Variants in GMPS observed in about 807,000 individuals in gnomAD.
The protein encoded by GMPS is GMP synthase [glutamine-hydrolyzing].
A neutral mutation model predicts 77.9 loss-of-function variants in GMPS; 15 were observed. That is an observed-to-expected ratio of 0.19 (90% CI 0.13 to 0.30). The LOEUF (loss-of-function observed/expected upper bound fraction) is 0.30. GMPS is among the 10% of genes least tolerant of loss of function. The probability of loss-of-function intolerance (pLI) is 1.00; values close to 1 mark genes in which losing one functional copy is unlikely to be tolerated. For synonymous variants in GMPS, 224 were observed against 275.9 expected (o/e 0.81, Z 1.86); for missense variants, 590 against 838.8 (o/e 0.70, Z 3.66).
At chr3:155,873,635 G>GTTGTTTTTTTT (rs1340921688) in intron 1 of GMPS, among the ~76,000 whole-genome samples, 1 of 32,712 alleles carries the variant, frequency 3.1e-5, no homozygotes, top group African/African-American at 1.0e-4. Context: ...ACATGAGTAA[G>GTTGTTTTTTTT]TTCTTTTTTT....
intron 12 of GMPS, among the ~76,000 whole-genome samples, chr3:155,928,133 T>TCTCCTGTTGCAGC (rs549221064): frequency 2.4e-3 from 353 of 150,040 alleles, no homozygotes; most frequent in African/African-American, 8.3e-3. Flanking sequence ...TTCAAACGAT[T>TCTCCTGTTGCAGC]CTCCTGTTGC....
chr3:155,913,523 A>ATTTTTTTT (rs5853733), intron 7 of GMPS, among the ~76,000 whole-genome samples: 1 of 142,184 alleles, frequency 7.0e-6, no homozygotes, highest in Admixed American at 7.0e-5. Flanking sequence ...ATCAGCATAA[A>ATTTTTTTT]TTTTTTTTTT....
intron 1 of GMPS, among the ~76,000 whole-genome samples, chr3:155,891,484 T>C (rs957784682): frequency 1.3e-5 from 2 of 152,232 alleles, no homozygotes; most frequent in African/African-American, 4.8e-5. Context: ...TTCACTTTTC[T>C]ACGGTATTGA....
rs2063903 is a variant in GMPS, at chr3:155,939,787, C to T, written c.*2095C>T. 0.61 allele frequency: 120,063 copies of T among 197,162 alleles called. 37,227 individuals are homozygous for T. Among genetic ancestry groups the T allele is most frequent in the African/African-American group, 0.64 (27,781 of 43,330 alleles). 12.2% of individuals were successfully genotyped at this position (197,162 alleles called of 1,614,324 possible). A position where few individuals can be genotyped will look rare whatever the true frequency, so the allele number is the denominator to read the frequency against. On this transcript the variant is annotated 3_prime_UTR_variant, in exon 16 of 16. Transcript: ENST00000496455. The stretch of plus-strand genomic sequence containing the variant: ...CTCAGAAATTTCCTAATATTTAGCA[C>T]ACTGTCTTCTTTTGCACAGCACTTT...
chr3:155,873,268 CAA>C (rs1232580880), intron 1 of GMPS, among the ~76,000 whole-genome samples: 1 of 152,000 alleles, frequency 6.6e-6, no homozygotes, highest in Non-Finnish European at 1.5e-5. Context: ...TTTTTATACA[CAA>C]TATTTTATTT....
upstream of GMPS, among the ~76,000 whole-genome samples, chr3:155,870,355 C>CT (rs756783386): frequency 2.1e-5 from 3 of 139,892 alleles, no homozygotes; most frequent in East Asian, 4.4e-4. Context: ...TTCGGTTTTT[C>CT]TCCTGGCCGG....
chr3:155,925,131 A>G (rs1195381137), intron 11 of GMPS, 110 bp from the exon 12 acceptor site: 1 of 933,766 alleles, frequency 1.1e-6, no homozygotes, highest in African/African-American at 1.7e-5. Flanking sequence ...GAGATACCAA[A>G]TACAATCCAC....
intron 1 of GMPS, among the ~76,000 whole-genome samples, chr3:155,877,917 G>T (rs1754093153): frequency 6.6e-6 from 1 of 151,634 alleles, no homozygotes; most frequent in Non-Finnish European, 1.5e-5. Context: ...GAGTAGCTGG[G>T]CATGCGCCAC....
intron 9 of GMPS, among the ~76,000 whole-genome samples, 180 bp downstream of exon 9, chr3:155,916,372 T>G (rs959310502): frequency 2.6e-5 from 4 of 152,090 alleles, no homozygotes; most frequent in Non-Finnish European, 4.4e-5. Context: ...GTTCTACCTG[T>G]TGTTGTCATT....
At chr3:155,876,204 GC>G (rs1365229787) in intron 1 of GMPS, among the ~76,000 whole-genome samples, 1 of 152,120 alleles carries the variant, frequency 6.6e-6, no homozygotes, top group Non-Finnish European at 1.5e-5. Flanking sequence ...TGGCCTCGAG[GC>G]TCCTGTGCAT....
chr3:155,918,504 T>C (rs1755240280), intron 9 of GMPS, among the ~76,000 whole-genome samples: 1 of 152,216 alleles, frequency 6.6e-6, no homozygotes, highest in Admixed American at 6.5e-5. Flanking sequence ...AAGTGGTATA[T>C]CTCATTTTGA....
At chr3:155,928,486 C>T (rs1389592239) in intron 12 of GMPS, among the ~76,000 whole-genome samples, 3 of 151,928 alleles carry the variant, frequency 2.0e-5, no homozygotes, top group East Asian at 3.8e-4. Context: ...TTAAACAGGA[C>T]ACAGGAAAAG....
chr3:155,895,302 A>AT (rs149887904), intron 2 of GMPS: 7,378 of 149,300 alleles, frequency 0.049, 270 homozygotes, highest in East Asian at 0.18. Context: ...ACCTATTTTT[A>AT]TTTTTTTTTT....
intron 13 of GMPS, among the ~76,000 whole-genome samples, chr3:155,933,809 G>A (rs1755691948): frequency 6.6e-6 from 1 of 152,174 alleles, no homozygotes; most frequent in African/African-American, 2.4e-5. Context: ...TTTTCTGGGT[G>A]AAGATTGTGA....
At chr3:155,897,466 C>G (rs1754630325) in intron 2 of GMPS, among the ~76,000 whole-genome samples, 1 of 152,144 alleles carries the variant, frequency 6.6e-6, no homozygotes, top group African/African-American at 2.4e-5. Flanking sequence ...ACTTTCTATT[C>G]TGCCGTCTTT....
At chr3:155,893,445 C>T in intron 1 of GMPS, 73 bp from the exon 2 acceptor site, 1 of 959,292 alleles carries the variant, frequency 1.0e-6, no homozygotes, top group Non-Finnish European at 1.5e-6. Context: ...TGACAGTGAT[C>T]ATTAATTTTT....
At chr3:155,883,147 C>G (rs1021738042) in intron 1 of GMPS, among the ~76,000 whole-genome samples, 1 of 152,186 alleles carries the variant, frequency 6.6e-6, no homozygotes, top group African/African-American at 2.4e-5. Context: ...TCTCAGCTCA[C>G]TGCAGCTTCT....
chr3:155,938,438 AT>A lies in GMPS; in HGVS notation c.*748del, dbSNP rs959347451. ...AGGAGCTTTATCCTCCTAGCCTTAT[AT>A]TACCAGCCCCCCACAGCCTTGCATA... On this transcript the variant is annotated 3_prime_UTR_variant, in exon 16 of 16. Transcript: ENST00000496455. The A allele has an allele frequency of 2.8e-5, 6 of 212,676 alleles. No individual in the cohort carries two copies. Among genetic ancestry groups the A allele is most frequent in the African/African-American group, 1.4e-4 (6 of 44,240 alleles). 13.2% of individuals were successfully genotyped at this position (212,676 alleles called of 1,614,324 possible). A position where few individuals can be genotyped will look rare whatever the true frequency, so the allele number is the denominator to read the frequency against.
intron 1 of GMPS, among the ~76,000 whole-genome samples, chr3:155,873,669 C>CT (rs1160306686): frequency 1.4e-5 from 1 of 72,058 alleles, no homozygotes; most frequent in Non-Finnish European, 2.6e-5. Context: ...GAGTCTAGCT[C>CT]TGTCGCCCAG....
Sources: gnomAD v4.1 joint callset for allele counts (sites outside exome capture counted in the v4.1 genomes callset) on GRCh38, gnomAD v4.1.1 for gene constraint, MANE v1.5 for transcripts, NCBI Gene and HGNC (gene_info 2026-07-23, HGNC 2026-07-21) for gene names.